Variants in ATG7 observed in about 807,000 individuals in gnomAD.
ATG7 encodes the protein ubiquitin-like modifier-activating enzyme ATG7.
ATG7 carries 70 observed loss-of-function variants against 82.4 expected under a neutral mutation model. The observed-to-expected ratio is 0.85, with a 90% CI of 0.70 to 1.04. The LOEUF (loss-of-function observed/expected upper bound fraction) is 1.04, where lower values mean the gene tolerates loss of function less well. ATG7 is among the 50% of genes least tolerant of loss of function. The probability of loss-of-function intolerance (pLI) is 0.00; values close to 1 mark genes in which losing one functional copy is unlikely to be tolerated. For synonymous variants in ATG7, 287 were observed against 313.0 expected, an observed-to-expected ratio of 0.92 and a Z score of 0.88; for missense variants, 792 against 864.3, an observed-to-expected ratio of 0.92 and a Z score of 1.05.
At chr3:11,362,759 T>G in intron 16 of ATG7, 54 bp from the exon 17 acceptor site, 1 of 1,441,914 alleles carries the variant, frequency 6.9e-7, no homozygotes, top group Non-Finnish European at 9.6e-7. Flanking sequence ...TTGAGACAGC[T>G]AGAGTTGAAT....
At chr3:11,343,791 C>T (rs1179740714) in intron 13 of ATG7, among the ~76,000 whole-genome samples, 1 of 152,108 alleles carries the variant, frequency 6.6e-6, no homozygotes, top group Non-Finnish European at 1.5e-5. Context: ...CCCTTATATA[C>T]CTGAGTCTCT....
intron 11 of ATG7, among the ~76,000 whole-genome samples, chr3:11,339,279 G>C: frequency 7.2e-6 from 1 of 139,140 alleles, no homozygotes; most frequent in African/African-American, 2.7e-5. Context: ...CTGGGCGACA[G>C]AGCGAGACTC....
At position 11,315,412 on chromosome 3, in the gene ATG7, C is replaced by G. The variant is rs1170353080; in HGVS notation, c.597C>G (p.Phe199Leu). The G allele has an allele frequency of 6.2e-7, 1 of 1,612,656 alleles. No individual in the cohort carries two copies. Among genetic ancestry groups the G allele is most frequent in the South Asian group, 1.1e-5 (1 of 90,858 alleles). Residue 199 changes from phenylalanine to leucine, a missense_variant, in exon 9 of 21, where the codon TTC (phenylalanine) becomes TTG (leucine). Physicochemically the swap from Phe to Leu is conservative, Grantham distance 22. Transcript: ENST00000693202. ...AAGGAGTCACAGCTCTTCCTTACTTCTTAATCAAGTATGATGAGAACATGG... is the reference window on the plus strand; with the variant it reads ...AAGGAGTCACAGCTCTTCCTTACTTGTTAATCAAGTATGATGAGAACATGG... ...QTEGVTALPY[F>L]LIKYDENMVL...
intron 20 of ATG7, among the ~76,000 whole-genome samples, chr3:11,431,055 CATA>C (rs2082831210): frequency 6.6e-6 from 1 of 152,170 alleles, no homozygotes; most frequent in African/African-American, 2.4e-5. Flanking sequence ...CTGAAGTCAA[CATA>C]ATGTTTTTTA....
intron 11 of ATG7, among the ~76,000 whole-genome samples, chr3:11,333,336 G>A (rs1191749059): frequency 1.3e-5 from 2 of 152,144 alleles, no homozygotes; most frequent in Non-Finnish European, 1.5e-5. Flanking sequence ...TTCAGGATTT[G>A]TTCCCCTCTG....
chr3:11,410,954 A>G (rs1358319243), intron 19 of ATG7, among the ~76,000 whole-genome samples: 2 of 152,158 alleles, frequency 1.3e-5, no homozygotes, highest in South Asian at 2.1e-4. Flanking sequence ...TCTTTTGGGT[A>G]TATATCCAGA....
At chr3:11,576,119 G>C in the ATG7 span, among the ~76,000 whole-genome samples, 110 of 152,324 alleles carry the variant, frequency 7.2e-4, 1 homozygote, top group African/African-American at 2.4e-3. Flanking sequence ...GACCGGTAAA[G>C]CATCTCACCT....
intron 20 of ATG7, among the ~76,000 whole-genome samples, chr3:11,442,328 A>G (rs1410907181): frequency 1.3e-5 from 2 of 152,148 alleles, no homozygotes; most frequent in African/African-American, 4.8e-5. Flanking sequence ...CCTGGATTTC[A>G]TCTGTAAAAT....
intron 9 of ATG7, among the ~76,000 whole-genome samples, chr3:11,328,747 A>G (rs149222013): frequency 4.6e-5 from 7 of 152,352 alleles, no homozygotes; most frequent in Non-Finnish European, 1.0e-4. Flanking sequence ...TGGTTATAGA[A>G]CATTTACTAG....
rs1239220920 is a variant in ATG7, at chr3:11,293,724, G to A, written c.-10-4962G>A. 5.3e-5 allele frequency among the ~76,000 whole-genome samples: 8 copies of A among 151,640 alleles called. No individual in the cohort carries two copies. The South Asian group carries it at 6.3e-4, about 12-fold the overall frequency. The stretch of plus-strand genomic sequence containing the variant: ...ATTAGGGCCAGGCATGGTGGCTCAC[G>A]CCTGTAATCCCAGCTACTTGGGAGT... On this transcript the variant is annotated intron_variant, in intron 3 of 20. Coordinates refer to ENST00000693202, the MANE Select transcript of ATG7 (RefSeq NM_001349232.2).
At chr3:11,315,990 A>T (rs1949356994) in intron 9 of ATG7, among the ~76,000 whole-genome samples, 1 of 152,152 alleles carries the variant, frequency 6.6e-6, no homozygotes, top group Non-Finnish European at 1.5e-5. Flanking sequence ...AACTGCTGGG[A>T]TTATAGGTGT....
the ATG7 span, among the ~76,000 whole-genome samples, chr3:11,572,021 C>G: frequency 1.3e-5 from 2 of 152,122 alleles, no homozygotes; most frequent in African/African-American, 4.8e-5. Context: ...GTGGGAGGAT[C>G]ACCTGAGCCC....
At chr3:11,509,703 TTC>T (rs1665559157) in intron 20 of ATG7, among the ~76,000 whole-genome samples, 1 of 152,072 alleles carries the variant, frequency 6.6e-6, no homozygotes, top group Non-Finnish European at 1.5e-5. Flanking sequence ...GAAAATATGA[TTC>T]TGTTAATTGA....
chr3:11,574,787 G>GTGTA, the ATG7 span, among the ~76,000 whole-genome samples: 41 of 61,020 alleles, frequency 6.7e-4, no homozygotes, highest in African/African-American at 3.3e-3. Flanking sequence ...AACTATATAT[G>GTGTA]TGTGTGTGTG....
intron 19 of ATG7, among the ~76,000 whole-genome samples, chr3:11,421,667 G>A (rs759717658): frequency 2.9e-4 from 44 of 152,086 alleles, no homozygotes; most frequent in Non-Finnish European, 5.7e-4. Context: ...CATGAATCAC[G>A]AATACTCGTA....
chr3:11,442,952 A>G (rs1389864655), intron 20 of ATG7, among the ~76,000 whole-genome samples: 3 of 152,004 alleles, frequency 2.0e-5, no homozygotes, highest in Admixed American at 2.0e-4. Flanking sequence ...AAAAACAACT[A>G]TTTGATTTTA....
At chr3:11,425,344 T>G (rs1171679727) in intron 19 of ATG7, among the ~76,000 whole-genome samples, 1 of 152,178 alleles carries the variant, frequency 6.6e-6, no homozygotes, top group Non-Finnish European at 1.5e-5. Flanking sequence ...GTCTTAAAAG[T>G]GGAATTGCTA....
chr3:11,489,214 G>T lies in ATG7; in HGVS notation c.2079+62288G>T, dbSNP rs567953563. On this transcript the variant is annotated intron_variant, in intron 20 of 20. Transcript: ENST00000693202. ...TGGGAGAACCACTGCTCTCTTCAAA[G>T]CTGTCAGACAGGGACATTTAAGTCT... Among the ~76,000 whole-genome samples, 3 of 152,346 alleles carry T rather than the reference G, an allele frequency of 2.0e-5. No homozygotes were observed. The East Asian group carries it at 5.8e-4, about 29-fold the overall frequency.
chr3:11,375,265 T>TTACTTGTAAGTTATA (rs2077328840), intron 18 of ATG7, among the ~76,000 whole-genome samples: 22 of 152,204 alleles, frequency 1.4e-4, no homozygotes, highest in Admixed American at 1.4e-3. Context: ...AGATGATATA[T>TTACTTGTAAGTTATA]TTGATAAGAA....
Sources: gnomAD v4.1 joint callset for allele counts (sites outside exome capture counted in the v4.1 genomes callset) on GRCh38, gnomAD v4.1.1 for gene constraint, MANE v1.5 for transcripts, NCBI Gene and HGNC (gene_info 2026-07-23, HGNC 2026-07-21) for gene names.